Variants in MLIP observed in about 807,000 individuals in gnomAD.
The protein encoded by MLIP is muscular LMNA interacting protein.
A neutral mutation model predicts 84.8 loss-of-function variants in MLIP; 79 were observed. The ratio of observed to expected loss-of-function variants is 0.93; its 90% CI spans 0.78 to 1.12. The LOEUF is 1.12. MLIP is among the 50% of genes most tolerant of loss of function. The probability of loss-of-function intolerance (pLI) is 0.00; values close to 1 mark genes in which losing one functional copy is unlikely to be tolerated. For synonymous variants in MLIP, 504 were observed against 463.0 expected, an observed-to-expected ratio of 1.09 and a Z score of -1.14; for missense variants, 1,257 against 1,160.6, an observed-to-expected ratio of 1.08 and a Z score of -1.21.
chr6:54,110,893 T>G (rs1561938975), upstream of MLIP, among the ~76,000 whole-genome samples: 1 of 152,232 alleles, frequency 6.6e-6, no homozygotes, highest in Non-Finnish European at 1.5e-5. Context: ...ATTTTAGAGG[T>G]GATTTTGTTA....
At position 54,035,754 on chromosome 6, in the gene MLIP, G is replaced by A. The variant is rs548395720; in HGVS notation, c.63+16663G>A. ...CTTTTCATGTACTTATTTGCCATATGTATATCTTTTTTGGTGAAGTGTCTG... is the reference window on the plus strand; with the variant it reads ...CTTTTCATGTACTTATTTGCCATATATATATCTTTTTTGGTGAAGTGTCTG... On this transcript the variant is annotated intron_variant, in intron 1 of 12. Coordinates refer to the MLIP transcript ENST00000274897. Among the ~76,000 whole-genome samples the A allele has an allele frequency of 5.3e-5, 8 of 152,098 alleles. 1 individual carries two copies. In the South Asian group the frequency reaches 8.3e-4, roughly 16 times the overall value.
At chr6:54,106,572 G>A (rs563750074), upstream of MLIP, among the ~76,000 whole-genome samples, 1 of 152,186 alleles carries the variant, frequency 6.6e-6, no homozygotes, top group Non-Finnish European at 1.5e-5. Flanking sequence ...TGAAGGGACA[G>A]CCAATAGGAT....
chr6:54,220,264 A>G (rs778599079), intron 11 of MLIP, among the ~76,000 whole-genome samples: 11 of 152,196 alleles, frequency 7.2e-5, no homozygotes, highest in Admixed American at 1.3e-4. Flanking sequence ...TTATGGCATC[A>G]TACTTGATAA....
intron 11 of MLIP, among the ~76,000 whole-genome samples, chr6:54,206,911 A>G (rs2150729020): frequency 6.6e-6 from 1 of 152,352 alleles, no homozygotes; most frequent in East Asian, 1.9e-4. Flanking sequence ...TTTGTTTCTC[A>G]ATCAAGATGG....
intron 1 of MLIP, among the ~76,000 whole-genome samples, chr6:54,071,532 A>T (rs1274216078): frequency 1.3e-5 from 2 of 152,146 alleles, no homozygotes; most frequent in Non-Finnish European, 2.9e-5. Flanking sequence ...TAATGAGTTA[A>T]CCTGTTTAGG....
Position 54,228,180 on chromosome 6 carries a change from CAAAAA to C in MLIP, c.2719-2504_2719-2500del, listed in dbSNP as rs869112313. On this transcript the variant is annotated intron_variant, in intron 11 of 13. Coordinates refer to ENST00000502396, the MANE Select transcript of MLIP (RefSeq NM_001281747.2). Reference sequence around the variant, plus strand: ...CCTGGGCGACAGAGGGAGACTGTCTCAAAAAAAAAAAAAAAAAAAAAAAAAAAAAA... The same window carrying C: ...CCTGGGCGACAGAGGGAGACTGTCTCAAAAAAAAAAAAAAAAAAAAAAAAA... 5.3e-4 allele frequency among the ~76,000 whole-genome samples: 40 copies of C among 75,808 alleles called. 1 individual carries two copies. The highest frequency in any genetic ancestry group is 1.1e-3 in the African/African-American group (23 of 21,014). The allele number at this position is 75,808 out of a possible 152,430, so 49.7% of individuals were successfully genotyped here.
intron 12 of MLIP, among the ~76,000 whole-genome samples, chr6:54,252,503 ATATAT>A (rs1278757990): frequency 3.9e-4 from 56 of 142,200 alleles, no homozygotes; most frequent in East Asian, 2.8e-3. Flanking sequence ...TATAAATATA[ATATAT>A]TATAACATAT....
chr6:54,077,436 A>G (rs957714375), intron 1 of MLIP, among the ~76,000 whole-genome samples: 4 of 152,096 alleles, frequency 2.6e-5, no homozygotes, highest in African/African-American at 9.7e-5. Flanking sequence ...CAGACTTCTA[A>G]TTTAGACCAT....
intron 5 of MLIP, among the ~76,000 whole-genome samples, chr6:54,157,402 C>T (rs1021926432): frequency 6.6e-6 from 1 of 152,106 alleles, no homozygotes; most frequent in Non-Finnish European, 1.5e-5. Flanking sequence ...AAACAACCCT[C>T]CTTATCCAAC....
At chr6:54,077,723 G>A (rs1183263420) in intron 1 of MLIP, among the ~76,000 whole-genome samples, 1 of 152,152 alleles carries the variant, frequency 6.6e-6, no homozygotes, top group Admixed American at 6.5e-5. Context: ...TAAACTTAAA[G>A]CATTGATTGG....
chr6:54,237,242 G>A (rs1414731430), intron 12 of MLIP, among the ~76,000 whole-genome samples: 1 of 151,610 alleles, frequency 6.6e-6, no homozygotes, highest in Admixed American at 6.6e-5. Context: ...GGAACTCTGG[G>A]AGCTGCTGTA....
At chr6:54,215,858 A>G in intron 11 of MLIP, 1 of 152,698 alleles carries the variant, frequency 6.5e-6, no homozygotes, top group East Asian at 1.9e-4. Flanking sequence ...CCTGGCAACC[A>G]TCATTCTACT....
chr6:54,158,168 T>A (rs1774238237), intron 5 of MLIP, among the ~76,000 whole-genome samples: 1 of 152,052 alleles, frequency 6.6e-6, no homozygotes, highest in Non-Finnish European at 1.5e-5. Flanking sequence ...GAGATTTTGA[T>A]GAGCAATGGA....
At chr6:54,200,992 G>A (rs1356038500) in intron 10 of MLIP, among the ~76,000 whole-genome samples, 1 of 152,206 alleles carries the variant, frequency 6.6e-6, no homozygotes, top group Non-Finnish European at 1.5e-5. Flanking sequence ...AAAAGGAAAT[G>A]GGGTTGAGAA....
At chr6:54,240,253 G>T in intron 12 of MLIP, among the ~76,000 whole-genome samples, 1 of 152,122 alleles carries the variant, frequency 6.6e-6, no homozygotes, top group East Asian at 1.9e-4. Context: ...TTAGCATCTA[G>T]CTACTATAAT....
At chr6:54,205,266 C>A (rs1778960134) in intron 11 of MLIP, among the ~76,000 whole-genome samples, 1 of 152,184 alleles carries the variant, frequency 6.6e-6, no homozygotes, top group African/African-American at 2.4e-5. Flanking sequence ...TACTCAAATT[C>A]ATTTCTAGTC....
At chr6:54,039,319 G>T (rs967960884) in intron 1 of MLIP, among the ~76,000 whole-genome samples, 1 of 151,924 alleles carries the variant, frequency 6.6e-6, no homozygotes, top group Admixed American at 6.6e-5. Context: ...TCTGGGAGTT[G>T]CCATTTAAAA....
intron 12 of MLIP, among the ~76,000 whole-genome samples, chr6:54,233,183 T>A (rs1187254785): frequency 2.6e-5 from 4 of 152,206 alleles, no homozygotes; most frequent in Admixed American, 2.6e-4. Flanking sequence ...TTTTCTTTTT[T>A]TTGTTTTAAT....
chr6:54,237,092 A>G (rs1309626001), intron 12 of MLIP, among the ~76,000 whole-genome samples: 1 of 151,870 alleles, frequency 6.6e-6, no homozygotes, highest in African/African-American at 2.4e-5. Context: ...ACCGTCACTT[A>G]TGAGTAGTTA....
Sources: gnomAD v4.1 joint callset for allele counts (sites outside exome capture counted in the v4.1 genomes callset) on GRCh38, gnomAD v4.1.1 for gene constraint, MANE v1.5 for transcripts, NCBI Gene and HGNC (gene_info 2026-07-23, HGNC 2026-07-21) for gene names.